Variants in METAP1D observed in about 807,000 individuals in gnomAD.
The protein encoded by METAP1D is methionyl aminopeptidase type 1D, mitochondrial, also known as methionine aminopeptidase 1D, mitochondrial.
Under a neutral mutation model 40.5 loss-of-function variants are expected in METAP1D, and 31 were observed. The ratio of observed to expected loss-of-function variants is 0.77; its 90% CI spans 0.58 to 1.03. The LOEUF (loss-of-function observed/expected upper bound fraction) is 1.03, where lower values mean the gene tolerates loss of function less well. Ranked by LOEUF, METAP1D falls within the 50% of genes least tolerant of loss-of-function variation. The pLI is 0.00. For synonymous variants in METAP1D, 151 were observed against 146.4 expected, an observed-to-expected ratio of 1.03 and a Z score of -0.22; for missense variants, 411 against 420.7, an observed-to-expected ratio of 0.98 and a Z score of 0.20.
At chr2:172,039,515 T>C (rs1401269952) in intron 1 of METAP1D, among the ~76,000 whole-genome samples, 1 of 152,164 alleles carries the variant, frequency 6.6e-6, no homozygotes. Context: ...GCTTTCTTTG[T>C]ATTTTCACAA....
At position 172,066,267 on chromosome 2, in the gene METAP1D, A is replaced by G; in HGVS notation, c.501A>G (p.Arg167=). 6.2e-7 allele frequency: 1 copy of G among 1,611,042 alleles called. No homozygotes were observed. The highest frequency in any genetic ancestry group is 8.5e-7 in the Non-Finnish European group (1 of 1,179,078). ...NVLCHGIPDS[R]PLQDGDIINI... ...TTTTTTTCTGTTTACGTTTTAGTCG[A>G]CCTCTTCAGGATGGAGATATTATCA... Residue 167 remains arginine, a synonymous_variant, in exon 5 of 10, where the codon CGA becomes CGG. Coordinates refer to ENST00000315796, the MANE Select transcript of METAP1D (RefSeq NM_199227.3).
At chr2:172,040,274 A>G (rs1374230932) in intron 1 of METAP1D, among the ~76,000 whole-genome samples, 2 of 152,198 alleles carry the variant, frequency 1.3e-5, no homozygotes, top group Non-Finnish European at 2.9e-5. Context: ...TTTATTAGTG[A>G]GAAAAGTTTT....
intron 5 of METAP1D, among the ~76,000 whole-genome samples, chr2:172,068,275 C>T (rs1402684400): frequency 6.6e-6 from 1 of 152,144 alleles, no homozygotes; most frequent in Admixed American, 6.5e-5. Flanking sequence ...AGCCTCTAAT[C>T]CCAGCTACTT....
At chr2:172,034,993 T>C (rs972678102) in intron 1 of METAP1D, among the ~76,000 whole-genome samples, 12 of 151,988 alleles carry the variant, frequency 7.9e-5, no homozygotes, top group African/African-American at 1.4e-4. Flanking sequence ...TTTCTTTTTT[T>C]TTTTTTTGTT....
chr2:172,009,075 G>A (rs957626275), intron 1 of METAP1D, among the ~76,000 whole-genome samples: 2 of 151,074 alleles, frequency 1.3e-5, no homozygotes, highest in East Asian at 3.9e-4. Context: ...GAGTCTCGCC[G>A]TGTCTCTCAG....
At chr2:172,012,292 T>G (rs576810490) in intron 1 of METAP1D, among the ~76,000 whole-genome samples, 1 of 152,330 alleles carries the variant, frequency 6.6e-6, no homozygotes, top group Admixed American at 6.5e-5. Context: ...CCCTACTTTA[T>G]GCTCTGTGCA....
intron 1 of METAP1D, among the ~76,000 whole-genome samples, chr2:172,057,532 G>A (rs940442963): frequency 2.0e-5 from 3 of 152,164 alleles, no homozygotes; most frequent in Admixed American, 6.5e-5. Context: ...AGGCAGCTTG[G>A]CTTAAGGTAG....
At chr2:172,027,475 A>G (rs757236530) in intron 1 of METAP1D, among the ~76,000 whole-genome samples, 31 of 152,236 alleles carry the variant, frequency 2.0e-4, no homozygotes, top group Non-Finnish European at 2.1e-4. Flanking sequence ...ATAGGGATGT[A>G]GTAGGTTATA....
intron 1 of METAP1D, among the ~76,000 whole-genome samples, chr2:172,014,221 C>T (rs1386305309): frequency 1.3e-5 from 2 of 152,054 alleles, no homozygotes; most frequent in African/African-American, 2.4e-5. Context: ...AGCGATTCTC[C>T]TGCCTCAGCC....
At chr2:172,006,186 G>T (rs913034138) in intron 1 of METAP1D, among the ~76,000 whole-genome samples, 29 of 139,814 alleles carry the variant, frequency 2.1e-4, no homozygotes, top group African/African-American at 6.0e-4. Context: ...TATAGTTTTT[G>T]TTTTTTTTTT....
intron 3 of METAP1D, 86 bp downstream of exon 3, chr2:172,063,946 G>T: frequency 2.2e-6 from 3 of 1,366,014 alleles, no homozygotes; most frequent in South Asian, 2.2e-5. Flanking sequence ...TCTTCTTTTA[G>T]GTTGACATCT....
At position 172,066,281 on chromosome 2, in the gene METAP1D, G is replaced by A. The variant is rs1416315774; in HGVS notation, c.515G>A (p.Gly172Glu). The change falls in exon 5 of 10, where the codon GGA becomes GAA. Residue 172 changes from glycine to glutamate, a missense_variant. By Grantham distance (98) the Gly-to-Glu change is moderately conservative. Coordinates refer to ENST00000315796, the MANE Select transcript of METAP1D (RefSeq NM_199227.3). ...GIPDSRPLQD[G>E]DIINIDVTVY... is the part of the protein sequence containing the mutation. ...CGTTTTAGTCGACCTCTTCAGGATG[G>A]AGATATTATCAACATTGATGTCACA... The A allele has an allele frequency of 6.2e-6, 10 of 1,611,616 alleles. No individual in the cohort carries two copies. The highest frequency in any genetic ancestry group is 8.5e-6 in the Non-Finnish European group (10 of 1,179,284).
rs1041133075 is a variant in METAP1D, at chr2:172,069,742, A to C, written c.541-1165A>C. 5.3e-5 allele frequency among the ~76,000 whole-genome samples: 8 copies of C among 152,346 alleles called. No homozygotes were observed. In the East Asian group the frequency reaches 1.5e-3, roughly 29 times the overall value. Reference sequence around the variant, plus strand: ...TAGAGAAAACACTCGATTAGAAGCCAATAATCCATCATATTAACCTGAATC... The same window carrying C: ...TAGAGAAAACACTCGATTAGAAGCCCATAATCCATCATATTAACCTGAATC... On this transcript the variant is annotated intron_variant, in intron 5 of 9. Transcript: ENST00000315796.
chr2:172,021,160 T>C (rs965510121), intron 1 of METAP1D, among the ~76,000 whole-genome samples: 3 of 152,180 alleles, frequency 2.0e-5, no homozygotes, highest in Non-Finnish European at 4.4e-5. Context: ...TAATTTTTTG[T>C]TTGCATTTTC....
At chr2:172,034,668 A>G (rs1177915011) in intron 1 of METAP1D, among the ~76,000 whole-genome samples, 1 of 152,242 alleles carries the variant, frequency 6.6e-6, no homozygotes, top group African/African-American at 2.4e-5. Context: ...TACATAGATT[A>G]TATCAACTAA....
intron 5 of METAP1D, among the ~76,000 whole-genome samples, chr2:172,066,987 G>A (rs926065167): frequency 2.0e-5 from 3 of 152,154 alleles, no homozygotes; most frequent in Admixed American, 6.5e-5. Context: ...ACAAGCCTAA[G>A]TAATTTATCA....
intron 1 of METAP1D, among the ~76,000 whole-genome samples, chr2:172,014,400 C>T (rs1166282941): frequency 2.6e-5 from 4 of 152,174 alleles, no homozygotes; most frequent in Non-Finnish European, 5.9e-5. Flanking sequence ...GCATGAGCCA[C>T]CGTGCCTGGT....
At position 172,057,166 on chromosome 2, in the gene METAP1D, T is replaced by C. The variant is rs150594914; in HGVS notation, c.41-4332T>C. Among the ~76,000 whole-genome samples the C allele has an allele frequency of 2.3e-3, 356 of 152,294 alleles. 3 individuals are homozygous for C. The East Asian group carries it at 0.033, about 14-fold the overall frequency. On this transcript the variant is annotated intron_variant, in intron 1 of 9. Coordinates refer to ENST00000315796, the MANE Select transcript of METAP1D (RefSeq NM_199227.3). ...CAGACTTGTGAGCCTTAGTTCCTCA[T>C]CTATAAAGCAGTGATGTTAACAGCT... is the stretch of plus-strand genomic sequence containing the variant.
intron 1 of METAP1D, among the ~76,000 whole-genome samples, chr2:172,008,663 C>G (rs1360495360): frequency 6.6e-6 from 1 of 151,624 alleles, no homozygotes; most frequent in Admixed American, 6.6e-5. Flanking sequence ...TAACAATATA[C>G]TGTAATAAAA....
Sources: gnomAD v4.1 joint callset for allele counts (sites outside exome capture counted in the v4.1 genomes callset) on GRCh38, gnomAD v4.1.1 for gene constraint, MANE v1.5 for transcripts, NCBI Gene and HGNC (gene_info 2026-07-23, HGNC 2026-07-21) for gene names.